Variants in PDE10A observed in about 807,000 individuals in gnomAD.
PDE10A encodes cAMP and cAMP-inhibited cGMP 3',5'-cyclic phosphodiesterase 10A.
Under a neutral mutation model 97.7 loss-of-function variants are expected in PDE10A, and 39 were observed. The observed-to-expected ratio is 0.40, with a 90% CI of 0.31 to 0.52. The LOEUF is 0.52. Ranked by LOEUF, PDE10A falls within the 20% of genes least tolerant of loss-of-function variation. PDE10A has a pLI of 0.56. For missense variants in PDE10A, 731 were observed against 1,047.8 expected, an observed-to-expected ratio of 0.70 and a Z score of 4.17; for synonymous variants, 371 against 376.8, an observed-to-expected ratio of 0.98 and a Z score of 0.18.
intron 1 of PDE10A, among the ~76,000 whole-genome samples, chr6:165,953,690 T>A (rs1033954743): frequency 6.6e-6 from 1 of 152,242 alleles, no homozygotes; most frequent in Admixed American, 6.5e-5. Flanking sequence ...CATCCTCTAC[T>A]ATCTGCGTCT....
At chr6:165,846,240 G>T (rs1296646548) in intron 1 of PDE10A, among the ~76,000 whole-genome samples, 1 of 152,200 alleles carries the variant, frequency 6.6e-6, no homozygotes, top group Non-Finnish European at 1.5e-5. Flanking sequence ...TGGAATAGGG[G>T]CCATGAGCCA....
intron 1 of PDE10A, among the ~76,000 whole-genome samples, chr6:165,620,390 C>T (rs1024085492): frequency 1.3e-5 from 2 of 152,076 alleles, no homozygotes; most frequent in African/African-American, 4.8e-5. Context: ...TATCTTGAGA[C>T]ATGTCGAACC....
rs1054454584 is a variant in PDE10A at position 165,418,088 on chromosome 6, T to C, written c.1796+547A>G. 2.6e-5 allele frequency among the ~76,000 whole-genome samples: 4 copies of C among 152,180 alleles called. No individual in the cohort carries two copies. Among genetic ancestry groups the C allele is most frequent in the African/African-American group, 9.7e-5 (4 of 41,436 alleles). ...AACAAAATAAACTCCATTCTGTTCA[T>C]TTAAGTGACAACGGCTGCCACTTAA... On this transcript the variant is annotated intron_variant, in intron 11 of 21. Transcript: ENST00000539869. The surrounding 1 kb of genome is among the most constrained non-coding windows in gnomAD (Gnocchi z 4.8).
intron 13 of PDE10A, among the ~76,000 whole-genome samples, chr6:165,406,914 A>G (rs909493229): frequency 1.3e-5 from 2 of 152,128 alleles, no homozygotes; most frequent in African/African-American, 4.8e-5. Flanking sequence ...AACTTGCACC[A>G]GCTGCACCCC....
Position 165,450,281 on chromosome 6 carries a change from G to A in PDE10A, c.1105C>T (p.Gln369Ter), listed in dbSNP as rs1362402814. Residue 369 changes from glutamine to a stop codon, truncating the protein, a stop_gained, in exon 4 of 22, where the codon CAG becomes TAG. Transcript: ENST00000539869. LOFTEE classifies it high-confidence loss of function. ...CTGCTCAGTTCATAGAGGAGTAGCT[G>A]GTTGTCTCCTCCTGTGTCCAACCGT... Reference protein sequence around the residue: ...EQRLDTGGDNQLLLYELSSII... With the variant: ...EQRLDTGGDN The A allele has an allele frequency of 6.2e-7, 1 of 1,604,292 alleles. No homozygotes were observed. Among genetic ancestry groups the A allele is most frequent in the African/African-American group, 1.3e-5 (1 of 74,684 alleles).
At chr6:165,928,276 A>T (rs1157835299) in intron 1 of PDE10A, among the ~76,000 whole-genome samples, 7 of 152,144 alleles carry the variant, frequency 4.6e-5, no homozygotes, top group Non-Finnish European at 7.4e-5. Context: ...TCTTAAAGTT[A>T]CCTTGCATAA....
intron 1 of PDE10A, among the ~76,000 whole-genome samples, chr6:165,794,900 T>C (rs1778788889): frequency 6.6e-6 from 1 of 152,230 alleles, no homozygotes; most frequent in South Asian, 2.1e-4. Flanking sequence ...ACAGGACTGT[T>C]CATGAATAAA....
intron 1 of PDE10A, among the ~76,000 whole-genome samples, chr6:165,809,697 C>T (rs1037031918): frequency 2.6e-5 from 4 of 152,212 alleles, no homozygotes; most frequent in African/African-American, 9.6e-5. Context: ...AATGATGCTT[C>T]AGGTCCACTT....
intron 1 of PDE10A, among the ~76,000 whole-genome samples, chr6:165,970,385 T>C (rs1185429346): frequency 6.6e-6 from 1 of 152,188 alleles, no homozygotes; most frequent in African/African-American, 2.4e-5. Context: ...AGGTGATCAA[T>C]GTAAGAGAAT....
intron 1 of PDE10A, among the ~76,000 whole-genome samples, chr6:165,831,753 G>A (rs1308425199): frequency 1.3e-5 from 2 of 152,020 alleles, no homozygotes; most frequent in East Asian, 3.9e-4. Flanking sequence ...CCAAAGTGCT[G>A]GGATTACAGG....
At chr6:165,486,432 T>C (rs116205799) in intron 2 of PDE10A, among the ~76,000 whole-genome samples, 316 of 152,300 alleles carry the variant, frequency 2.1e-3, no homozygotes, top group African/African-American at 7.2e-3. Context: ...TACTAAACAA[T>C]TGTGTGGCTG....
At chr6:165,432,197 G>C (rs1025941512) in intron 7 of PDE10A, among the ~76,000 whole-genome samples, 8 of 152,188 alleles carry the variant, frequency 5.3e-5, no homozygotes, top group African/African-American at 1.9e-4. Context: ...TAATATATTA[G>C]ATAGTGACAG....
chr6:165,765,421 A>G (rs1295599692), intron 1 of PDE10A, among the ~76,000 whole-genome samples: 1 of 152,246 alleles, frequency 6.6e-6, no homozygotes, highest in Non-Finnish European at 1.5e-5. Flanking sequence ...CAGTCCCGAG[A>G]CCTGCCCCGC....
chr6:165,952,899 G>C (rs1272078939), intron 1 of PDE10A, among the ~76,000 whole-genome samples: 1 of 151,508 alleles, frequency 6.6e-6, no homozygotes, highest in African/African-American at 2.4e-5. Context: ...ACCAAAAGTA[G>C]TTGTGGTTTT....
At chr6:165,573,332 T>C (rs1335962781) in intron 1 of PDE10A, among the ~76,000 whole-genome samples, 1 of 151,838 alleles carries the variant, frequency 6.6e-6, no homozygotes, top group African/African-American at 2.4e-5. Flanking sequence ...ATTAGTAGAT[T>C]ACTACTAGTC....
At chr6:165,941,289 G>GA (rs1219685452) in intron 1 of PDE10A, among the ~76,000 whole-genome samples, 2 of 152,084 alleles carry the variant, frequency 1.3e-5, no homozygotes, top group Non-Finnish European at 2.9e-5. Context: ...CATCCAAAGA[G>GA]AAAAAATGGA....
intron 3 of PDE10A, among the ~76,000 whole-genome samples, chr6:165,481,299 A>G (rs190166905): frequency 1.4e-3 from 207 of 152,270 alleles, no homozygotes; most frequent in African/African-American, 4.8e-3. Flanking sequence ...TGAGTTCCAC[A>G]AATGTGACAT....
chr6:165,781,972 G>A (rs1365576106), intron 1 of PDE10A: 1 of 152,182 alleles, frequency 6.6e-6, no homozygotes, highest in Non-Finnish European at 1.5e-5. Flanking sequence ...ATTTTTGGTT[G>A]TGACATCAGC....
chr6:165,576,968 A>G (rs1785339742), intron 1 of PDE10A, among the ~76,000 whole-genome samples: 1 of 152,202 alleles, frequency 6.6e-6, no homozygotes, highest in South Asian at 2.1e-4. Context: ...TCTCACACAG[A>G]AAAGTCCACT....
Sources: gnomAD v4.1 joint callset for allele counts (sites outside exome capture counted in the v4.1 genomes callset) on GRCh38, gnomAD v4.1.1 for gene constraint, Gnocchi (gnomAD v3.1) non-coding constraint, MANE v1.5 for transcripts, NCBI Gene and HGNC (gene_info 2026-07-23, HGNC 2026-07-21) for gene names.